The following PKN2 variants were observed in gnomAD, a reference collection of about 807,000 sequenced individuals.
The protein encoded by PKN2 is serine/threonine-protein kinase N2.
In PKN2, 38 loss-of-function variants were observed where a neutral mutation model predicts 119.1. The observed-to-expected ratio is 0.32, with a 90% CI of 0.25 to 0.42. The LOEUF is 0.42. Ranked by LOEUF, PKN2 falls within the 10% of genes least tolerant of loss-of-function variation. The pLI, the probability that PKN2 is intolerant of heterozygous loss-of-function variation, is 1.00. For synonymous variants in PKN2, 390 were observed against 384.9 expected, an observed-to-expected ratio of 1.01 and a Z score of -0.15; for missense variants, 850 against 1,165.1, an observed-to-expected ratio of 0.73 and a Z score of 3.94.
chr1:88,766,534 G>C lies in PKN2; in HGVS notation c.505-3818G>C, dbSNP rs1013465645. Among the ~76,000 whole-genome samples the C allele has an allele frequency of 6.6e-5, 10 of 152,092 alleles. 1 individual carries two copies. The highest frequency in any genetic ancestry group is 2.2e-4 in the African/African-American group (9 of 41,408). ...ATATTTATTCCAAATACAATTACCA[G>C]CATTATAGAGTGCCAATTACTAATA... On this transcript the variant is annotated intron_variant, in intron 3 of 21. Transcript: ENST00000370521.
intron 16 of PKN2, among the ~76,000 whole-genome samples, chr1:88,820,552 ATAAAT>A (rs1005736648): frequency 4.5e-5 from 6 of 132,660 alleles, no homozygotes; most frequent in African/African-American, 2.1e-4. Flanking sequence ...AATAAATAAA[ATAAAT>A]AAATAAAAAT....
chr1:88,793,777 C>G (rs77756227), intron 8 of PKN2, among the ~76,000 whole-genome samples: 1 of 151,984 alleles, frequency 6.6e-6, no homozygotes, highest in Non-Finnish European at 1.5e-5. Flanking sequence ...ATTATAATAC[C>G]CAGTGCAATG....
rs1672813384 is a variant in PKN2, at chr1:88,833,435, C to T, written c.2942C>T (p.Ala981Val). Residue 981 changes from alanine to valine, a missense_variant, in exon 22 of 22, where the codon GCT becomes GTT. By Grantham distance (64) the Ala-to-Val change is moderately conservative (BLOSUM62 0). This residue lies in a region of PKN2 where 52 missense variants were observed against 39.9 expected (regional missense o/e 1.30). Transcript: ENST00000370521. Reference protein sequence around the residue: ...QEMFRDFDYIADWC With the variant: ...QEMFRDFDYIVDWC ...ATGTTCAGAGATTTTGACTACATTG[C>T]TGATTGGTGTTAAGTTGCTAGACAC... 6.2e-7 allele frequency: 1 copy of T among 1,612,806 alleles called. No individual in the cohort carries two copies. Among genetic ancestry groups the T allele is most frequent in the Non-Finnish European group, 8.5e-7 (1 of 1,179,046 alleles).
At chr1:88,785,890 A>C (rs1670551451) in intron 7 of PKN2, among the ~76,000 whole-genome samples, 1 of 152,204 alleles carries the variant, frequency 6.6e-6, no homozygotes, top group Admixed American at 6.5e-5. Flanking sequence ...GATAGCAGTC[A>C]CTATTTGTGT....
At chr1:88,824,282 TCATGCTG>T in intron 17 of PKN2, 21 bp from the exon 18 acceptor site, 2 of 1,178,276 alleles carry the variant, frequency 1.7e-6, no homozygotes, top group Non-Finnish European at 1.2e-6. Flanking sequence ...TTTTTTTTTT[TCATGCTG>T]TATCTTTTTA....
intron 6 of PKN2, among the ~76,000 whole-genome samples, chr1:88,784,315 G>T (rs1670482009): frequency 6.6e-6 from 1 of 151,672 alleles, no homozygotes; most frequent in Non-Finnish European, 1.5e-5. Flanking sequence ...AGTATACAGG[G>T]TCTTGCCATG....
rs1212178684 is a variant in PKN2, at chr1:88,684,618, C to G, written c.38C>G (p.Thr13Arg). ...SNPERGEILLTELQGDSRSLP... is the reference protein window; with the variant it reads ...SNPERGEILLRELQGDSRSLP... ...CCCGAACGGGGGGAGATTCTGCTCA[C>G]GGAACTGCAGGTAAGGGCCGCGGCC... The change falls in exon 1 of 22, where the codon ACG becomes AGG. Residue 13 changes from threonine to arginine, a missense_variant. Around this residue, in one of 9 missense-constraint regions of PKN2, gnomAD observed 73 missense variants for 61.2 expected, o/e 1.19. Coordinates refer to ENST00000370521, the MANE Select transcript of PKN2 (RefSeq NM_006256.4). 1.3e-6 allele frequency: 2 copies of G among 1,564,160 alleles called. No individual in the cohort carries two copies. Among genetic ancestry groups the G allele is most frequent in the Admixed American group, 1.9e-5 (1 of 53,996 alleles).
At chr1:88,800,645 G>C (rs1472692142) in intron 8 of PKN2, among the ~76,000 whole-genome samples, 1 of 152,146 alleles carries the variant, frequency 6.6e-6, no homozygotes, top group African/African-American at 2.4e-5. Context: ...GCACCCCAGG[G>C]CTCCTCAGTG....
intron 1 of PKN2, among the ~76,000 whole-genome samples, chr1:88,693,927 A>G (rs546380396): frequency 1.3e-5 from 2 of 152,232 alleles, no homozygotes; most frequent in South Asian, 4.2e-4. Flanking sequence ...TTGCAGTTTT[A>G]TTTTTTAGAT....
intron 18 of PKN2, among the ~76,000 whole-genome samples, chr1:88,826,569 C>T (rs898265016): frequency 2.0e-5 from 3 of 152,072 alleles, no homozygotes; most frequent in African/African-American, 7.2e-5. Context: ...AATTTCTCAT[C>T]ATCCACCCCC....
intron 2 of PKN2, among the ~76,000 whole-genome samples, chr1:88,748,630 T>C (rs945747315): frequency 6.6e-6 from 1 of 152,176 alleles, no homozygotes; most frequent in Non-Finnish European, 1.5e-5. Context: ...TGTGGTAACA[T>C]ATGTTTAACA....
chr1:88,777,500 AT>A (rs1670153763), intron 6 of PKN2, among the ~76,000 whole-genome samples: 1 of 152,142 alleles, frequency 6.6e-6, no homozygotes, highest in South Asian at 2.1e-4. Context: ...TTACTCACAA[AT>A]CAGATTTTAC....
At chr1:88,758,208 ATG>A (rs149854346) in intron 2 of PKN2, among the ~76,000 whole-genome samples, 3,086 of 152,202 alleles carry the variant, frequency 0.02, 68 homozygotes, top group South Asian at 0.069. Flanking sequence ...TAAATGATTT[ATG>A]TATTAATAGT....
At chr1:88,755,275 G>A (rs72724729) in intron 2 of PKN2, among the ~76,000 whole-genome samples, 2,770 of 152,110 alleles carry the variant, frequency 0.018, 47 homozygotes, top group Non-Finnish European at 0.019. Context: ...CAAATTTAAC[G>A]TACAAGGAAG....
chr1:88,710,678 G>C (rs182172408), intron 1 of PKN2, among the ~76,000 whole-genome samples: 1 of 152,164 alleles, frequency 6.6e-6, no homozygotes, highest in Non-Finnish European at 1.5e-5. Flanking sequence ...TGGAGAAAAA[G>C]GAATGCTTAT....
At chr1:88,732,711 A>G (rs991003804) in intron 1 of PKN2, among the ~76,000 whole-genome samples, 1 of 152,198 alleles carries the variant, frequency 6.6e-6, no homozygotes, top group Admixed American at 6.5e-5. Flanking sequence ...GAGTTTTATA[A>G]TTCTATGTCA....
chr1:88,777,125 G>A (rs1670140205), intron 6 of PKN2, among the ~76,000 whole-genome samples: 1 of 152,146 alleles, frequency 6.6e-6, no homozygotes, highest in Admixed American at 6.5e-5. Flanking sequence ...GACTAGACAA[G>A]TGCAATTGAT....
rs200905692 is a variant in PKN2 at position 88,833,393 on chromosome 1, C to T, written c.2900C>T (p.Ser967Leu). ...CCACCTCGAGAACCAAGGATACTTT[C>T]GGAAGAGGAGCAGGAAATGTTCAGA... Reference protein sequence around the residue: ...LTPPREPRILSEEEQEMFRDF... With the variant: ...LTPPREPRILLEEEQEMFRDF... Residue 967 changes from serine (S) to leucine (L), a missense_variant, in exon 22 of 22, where the codon TCG (serine) becomes TTG (leucine). Around this residue, in one of 9 missense-constraint regions of PKN2, gnomAD observed 52 missense variants for 39.9 expected, o/e 1.30. Coordinates refer to ENST00000370521, the MANE Select transcript of PKN2 (RefSeq NM_006256.4). 115 of 1,613,224 alleles carry T rather than the reference C, an allele frequency of 7.1e-5. No homozygotes were observed. The highest frequency in any genetic ancestry group is 4.9e-4 in the Middle Eastern group (3 of 6,084).
chr1:88,685,536 G>A (rs1250419899), intron 1 of PKN2, among the ~76,000 whole-genome samples: 2 of 152,172 alleles, frequency 1.3e-5, no homozygotes, highest in Non-Finnish European at 2.9e-5. Context: ...ATTTGATAAT[G>A]TAGGCACGAT....
Sources: gnomAD v4.1 joint callset for allele counts (sites outside exome capture counted in the v4.1 genomes callset) on GRCh38, gnomAD v4.1.1 for gene constraint, gnomAD v4.1.1 regional missense constraint, MANE v1.5 for transcripts, NCBI Gene and HGNC (gene_info 2026-07-23, HGNC 2026-07-21) for gene names.